PLAGL1: variants seen among roughly 807,000 people sequenced by gnomAD.
PLAGL1 encodes PLAG1 like zinc finger 1.
Under a neutral mutation model 4.6 loss-of-function variants are expected in PLAGL1, and 1 was observed. The ratio of observed to expected loss-of-function variants is 0.22; its 90% confidence interval spans 0.08 to 1.03. The LOEUF (loss-of-function observed/expected upper bound fraction) is 1.03, where lower values mean the gene tolerates loss of function less well. Ranked by LOEUF, PLAGL1 falls within the 50% of genes least tolerant of loss-of-function variation. The probability of loss-of-function intolerance (pLI) is 0.58; values close to 1 mark genes in which losing one functional copy is unlikely to be tolerated. For synonymous variants in PLAGL1, 240 were observed against 237.8 expected (o/e 1.01, Z -0.08); for missense variants, 464 against 570.4 (o/e 0.81, Z 1.90).
In PLAGL1 at chr6:143,973,953, T is replaced by C. The variant is rs1483796149; in HGVS notation, c.-543-4975A>G. 6.6e-6 allele frequency among the ~76,000 whole-genome samples: 1 copy of C among 152,168 alleles called. No homozygotes were observed. Among genetic ancestry groups the C allele is most frequent in the Non-Finnish European group, 1.5e-5 (1 of 68,022 alleles). ...AAAGTGTGAACAGAGATATAACAGG[T>C]TTTTTTGGATCCAGGTAATCACCCA... On this transcript the variant is annotated intron_variant, in intron 2 of 7. Transcript: ENST00000674357. The surrounding 1 kb of genome is among the most constrained non-coding windows in gnomAD (Gnocchi z 6.2).
chr6:144,001,906 A>G (rs1006766303), intron 1 of PLAGL1, among the ~76,000 whole-genome samples: 9 of 152,186 alleles, frequency 5.9e-5, no homozygotes, highest in African/African-American at 2.2e-4. Context: ...ACAAGATATG[A>G]AAGACTGAGA....
Position 143,979,519 on chromosome 6 carries a change from A to T in PLAGL1, c.-544+5616T>A, listed in dbSNP as rs530654193. 6.6e-6 allele frequency among the ~76,000 whole-genome samples: 1 copy of T among 151,772 alleles called. No individual in the cohort carries two copies. Among genetic ancestry groups the T allele is most frequent in the Non-Finnish European group, 1.5e-5 (1 of 67,848 alleles). ...TTTGATATCTTCGTGGTTGCTGTAGAGTTTATAGTTATATCTTTAACTTAC... is the reference window on the plus strand; with the variant it reads ...TTTGATATCTTCGTGGTTGCTGTAGTGTTTATAGTTATATCTTTAACTTAC... On this transcript the variant is annotated intron_variant, in intron 2 of 7. Coordinates refer to ENST00000674357, the MANE Select transcript of PLAGL1 (RefSeq NM_001317162.2). This position sits in a 1 kb window ranked among gnomAD's most constrained non-coding sequence, Gnocchi z 4.6.
intron 1 of PLAGL1, among the ~76,000 whole-genome samples, chr6:144,044,816 T>G (rs1798005465): frequency 6.6e-6 from 1 of 152,098 alleles, no homozygotes; most frequent in African/African-American, 2.4e-5. Flanking sequence ...AAGTCTCTTT[T>G]TAGGTCTCTA....
chr6:144,043,326 C>CAAAA (rs1797881837), intron 1 of PLAGL1, among the ~76,000 whole-genome samples: 1 of 152,102 alleles, frequency 6.6e-6, no homozygotes, highest in African/African-American at 2.4e-5. Flanking sequence ...ATAAATAGCT[C>CAAAA]TTATTATTTT....
At chr6:144,031,916 ATTGAAT>A (rs1796861582) in intron 1 of PLAGL1, among the ~76,000 whole-genome samples, 1 of 152,276 alleles carries the variant, frequency 6.6e-6, no homozygotes, top group Non-Finnish European at 1.5e-5. Context: ...CAGGAATTAT[ATTGAAT>A]TTGTAGACTG....
chr6:144,055,174 C>G lies in PLAGL1; in HGVS notation c.-151+9294G>C, dbSNP rs1299900570. Among the ~76,000 whole-genome samples the G allele has an allele frequency of 5.7e-5, 6 of 104,778 alleles. No homozygotes were observed. The Admixed American group carries it at 5.9e-4, about 10-fold the overall frequency. 68.7% of individuals were successfully genotyped at this position (104,778 alleles called of 152,430 possible). A position where few individuals can be genotyped will look rare whatever the true frequency, so the allele number is the denominator to read the frequency against. Reference sequence around the variant, plus strand: ...TCTAATGAGCACGGAGAGGCATATCCACAGATATTCATATCCACAGATATT... The same window carrying G: ...TCTAATGAGCACGGAGAGGCATATCGACAGATATTCATATCCACAGATATT... On this transcript the variant is annotated intron_variant, in intron 1 of 3. Coordinates refer to the PLAGL1 transcript ENST00000437412. This position sits in a 1 kb window ranked among gnomAD's most constrained non-coding sequence, Gnocchi z 5.0.
chr6:143,991,634 A>G (rs1355143617), intron 1 of PLAGL1, among the ~76,000 whole-genome samples: 1 of 152,022 alleles, frequency 6.6e-6, no homozygotes, highest in Non-Finnish European at 1.5e-5. Flanking sequence ...TAGCTGCACC[A>G]TTTCCTTTAT....
In PLAGL1 at chr6:144,020,814, ATATAT is replaced by A. The variant is rs902487903; in HGVS notation, c.-151+43649_-151+43653del. Among the ~76,000 whole-genome samples the A allele has an allele frequency of 2.6e-4, 38 of 145,874 alleles. No homozygotes were observed. In the East Asian group the frequency reaches 3.3e-3, roughly 13 times the overall value. On this transcript the variant is annotated intron_variant, in intron 1 of 3. Coordinates refer to the PLAGL1 transcript ENST00000437412. The stretch of plus-strand genomic sequence containing the variant: ...AACAAACATATAACTATATATATTT[ATATAT>A]TATATTATATATAATATAATATATA...
intron 1 of PLAGL1, among the ~76,000 whole-genome samples, chr6:144,058,508 A>G (rs1799155712): frequency 6.6e-6 from 1 of 152,120 alleles, no homozygotes; most frequent in Non-Finnish European, 1.5e-5. Flanking sequence ...TCAACAGTCC[A>G]TTAAATTCCT....
intron 1 of PLAGL1, among the ~76,000 whole-genome samples, chr6:144,049,547 T>C (rs911449620): frequency 1.3e-5 from 2 of 152,142 alleles, no homozygotes; most frequent in East Asian, 1.9e-4. Flanking sequence ...TTGGACCTTC[T>C]CACATGGAAG....
At position 144,027,914 on chromosome 6, in the gene PLAGL1, A is replaced by G. The variant is rs1227392932; in HGVS notation, c.-151+36554T>C. Among the ~76,000 whole-genome samples the G allele has an allele frequency of 1.3e-5, 2 of 152,194 alleles. No individual in the cohort carries two copies. Among genetic ancestry groups the G allele is most frequent in the Non-Finnish European group, 2.9e-5 (2 of 68,036 alleles). ...TTTTCTCAGAGTGTCTTTCATTTTG[A>G]TATGAGAATAAACAGATGCCTGGCA... On this transcript the variant is annotated intron_variant, in intron 1 of 3. Coordinates refer to the PLAGL1 transcript ENST00000437412. The surrounding 1 kb of genome is among the most constrained non-coding windows in gnomAD (Gnocchi z 5.8).
rs559143598 is a variant in PLAGL1, at chr6:144,046,325, T to C, written c.-151+18143A>G. ...GTTTCTCCCCATCTTTGTGGTTTTATCTACCTTTGGCCTTTGATGATGGTG... is the reference window on the plus strand; with the variant it reads ...GTTTCTCCCCATCTTTGTGGTTTTACCTACCTTTGGCCTTTGATGATGGTG... On this transcript the variant is annotated intron_variant, in intron 1 of 3. Transcript: ENST00000437412. Among the ~76,000 whole-genome samples the C allele has an allele frequency of 4.6e-5, 7 of 152,346 alleles. No individual in the cohort carries two copies. In the South Asian group the frequency reaches 1.4e-3, roughly 32 times the overall value.
Position 143,942,689 on chromosome 6 carries a change from A to G in PLAGL1, c.153-26T>C, listed in dbSNP as rs1250910353. ...CTAGGAGCAGAAGGAGAAATTTCACAATAGAGAGTTGTTTTAAGAGCTGAA... is the reference window on the plus strand; with the variant it reads ...CTAGGAGCAGAAGGAGAAATTTCACGATAGAGAGTTGTTTTAAGAGCTGAA... On this transcript the variant is annotated intron_variant, in intron 7 of 7. Transcript: ENST00000674357. The surrounding 1 kb of genome is among the most constrained non-coding windows in gnomAD (Gnocchi z 7.6). The G allele has an allele frequency of 6.3e-7, 1 of 1,575,118 alleles. No individual in the cohort carries two copies. The highest frequency in any genetic ancestry group is 1.4e-5 in the African/African-American group (1 of 73,540).
intron 1 of PLAGL1, among the ~76,000 whole-genome samples, chr6:144,054,322 A>G (rs1411625984): frequency 6.6e-6 from 1 of 152,246 alleles, no homozygotes; most frequent in Non-Finnish European, 1.5e-5. Context: ...AGCACAATTT[A>G]CAATAGCAAA....
rs146532973 is a variant in PLAGL1, at chr6:143,990,298, T to A, written c.-583-5124A>T. Among the ~76,000 whole-genome samples the A allele has an allele frequency of 0.023, 3,568 of 152,264 alleles. 65 individuals carry two copies. Among genetic ancestry groups the A allele is most frequent in the Non-Finnish European group, 0.032 (2,198 of 68,018 alleles). Reference sequence around the variant, plus strand: ...ACCATGCCCAGCTAATTTTTGTATTTTTATTAGAGACGGGGTTTCAACATG... The same window carrying A: ...ACCATGCCCAGCTAATTTTTGTATTATTATTAGAGACGGGGTTTCAACATG... On this transcript the variant is annotated intron_variant, in intron 1 of 7. Transcript: ENST00000674357. This position sits in a 1 kb window ranked among gnomAD's most constrained non-coding sequence, Gnocchi z 5.4.
chr6:143,941,643 A>G lies in PLAGL1; in HGVS notation c.1173T>C (p.Pro391=), dbSNP rs748862556. ...SPLLGFWQLP[P]PATQNTFGNS... ...TCCCAAAGGTATTTTGGGTAGCAGG[A>G]GGGGGCAGCTGCCAGAAGCCCAACA... Residue 391 remains proline, a synonymous_variant, in exon 8 of 8, where the codon CCT becomes CCC. Coordinates refer to ENST00000674357, the MANE Select transcript of PLAGL1 (RefSeq NM_001317162.2). This position sits in a 1 kb window ranked among gnomAD's most constrained non-coding sequence, Gnocchi z 6.0. The G allele has an allele frequency of 1.9e-6, 3 of 1,614,106 alleles. No individual in the cohort carries two copies. Among genetic ancestry groups the G allele is most frequent in the East Asian group, 2.2e-5 (1 of 44,878 alleles).
At position 143,989,568 on chromosome 6, in the gene PLAGL1, T is replaced by C. The variant is rs1462110997; in HGVS notation, c.-583-4394A>G. Among the ~76,000 whole-genome samples the C allele has an allele frequency of 1.3e-5, 2 of 152,208 alleles. No individual in the cohort carries two copies. The highest frequency in any genetic ancestry group is 4.8e-5 in the African/African-American group (2 of 41,446). The stretch of plus-strand genomic sequence containing the variant: ...TTTATACCCCTGGTTCCTCTGCTTC[T>C]CAGGCGTTCAGCCTTGGACCAGAAT... On this transcript the variant is annotated intron_variant, in intron 1 of 7. Coordinates refer to ENST00000674357, the MANE Select transcript of PLAGL1 (RefSeq NM_001317162.2). This position sits in a 1 kb window ranked among gnomAD's most constrained non-coding sequence, Gnocchi z 4.8.
At chr6:144,011,542 T>C (rs540740217), upstream of PLAGL1, among the ~76,000 whole-genome samples, 16 of 152,260 alleles carry the variant, frequency 1.1e-4, no homozygotes, top group South Asian at 2.3e-3. The surrounding 1 kb of genome is among the most constrained non-coding windows in gnomAD (Gnocchi z 4.3). Context: ...GATCAATTTT[T>C]CCCCCCAGCA....
chr6:144,051,240 A>G (rs553736585), intron 1 of PLAGL1, among the ~76,000 whole-genome samples: 14 of 152,356 alleles, frequency 9.2e-5, no homozygotes, highest in Admixed American at 8.5e-4. Flanking sequence ...AGGAAACCAC[A>G]ATAAGCAAAA....
Sources: allele counts gnomAD v4.1 joint callset (sites outside exome capture counted in the v4.1 genomes callset), GRCh38; gene constraint gnomAD v4.1.1; non-coding constraint Gnocchi (gnomAD v3.1); transcripts MANE v1.5; gene names NCBI Gene and HGNC (gene_info 2026-07-23, HGNC 2026-07-21).